Variants in CSPP1 observed in about 807,000 individuals in gnomAD.
CSPP1 encodes centrosome and spindle pole-associated protein 1.
A neutral mutation model predicts 164.4 loss-of-function variants in CSPP1; 126 were observed. The ratio of observed to expected loss-of-function variants is 0.77; its 90% CI spans 0.66 to 0.89. CSPP1 has a LOEUF of 0.89. CSPP1 is among the 40% of genes least tolerant of loss of function. CSPP1 has a pLI of 0.00. For missense variants in CSPP1, 1,395 were observed against 1,449.8 expected (o/e 0.96, Z 0.61); for synonymous variants, 472 against 476.7 (o/e 0.99, Z 0.13).
At chr8:67,189,537 T>C (rs1294396948) in intron 28 of CSPP1, among the ~76,000 whole-genome samples, 1 of 152,258 alleles carries the variant, frequency 6.6e-6, no homozygotes, top group Non-Finnish European at 1.5e-5. Flanking sequence ...ATTCCTATTT[T>C]TAAAAACCCA....
At chr8:67,119,184 G>A (rs548857285) in intron 15 of CSPP1, among the ~76,000 whole-genome samples, 3 of 152,166 alleles carry the variant, frequency 2.0e-5, no homozygotes, top group Admixed American at 6.5e-5. Flanking sequence ...AGGTTCATCC[G>A]TCTTTTAGCA....
rs374423255 is a variant in CSPP1, at chr8:67,128,426, C to T, written c.1698-3525C>T. ...TGGTGGCACATGCCTGTAGTTCTAG[C>T]TACTCGGGAGGCTGAGACAGGAGAA... is the stretch of plus-strand genomic sequence containing the variant. On this transcript the variant is annotated intron_variant, in intron 15 of 30. Coordinates refer to ENST00000678616, the MANE Select transcript of CSPP1 (RefSeq NM_001382391.1). Among the ~76,000 whole-genome samples, 51 of 151,896 alleles carry T rather than the reference C, an allele frequency of 3.4e-4. No individual in the cohort carries two copies. The East Asian group carries it at 9.9e-3, about 29-fold the overall frequency.
chr8:67,130,595 C>A (rs921789068), intron 15 of CSPP1, among the ~76,000 whole-genome samples: 1 of 152,024 alleles, frequency 6.6e-6, no homozygotes, highest in Non-Finnish European at 1.5e-5. Flanking sequence ...ACTTGTTTAT[C>A]CTAATAAAAG....
intron 19 of CSPP1, among the ~76,000 whole-genome samples, chr8:67,155,744 G>A (rs531162585): frequency 6.6e-6 from 1 of 152,246 alleles, no homozygotes; most frequent in South Asian, 2.1e-4. Flanking sequence ...GCCAAGATAT[G>A]CCACTTTATT....
At position 67,087,945 on chromosome 8, in the gene CSPP1, C is replaced by T. The variant is rs557436721; in HGVS notation, c.303+1835C>T. 1.3e-4 allele frequency among the ~76,000 whole-genome samples: 20 copies of T among 152,300 alleles called. No homozygotes were observed. In the South Asian group the frequency reaches 4.1e-3, roughly 32 times the overall value. ...TTCACTTCACCCTCCAAGCTATTTTCCAGAATGATTCAGTCCCTAACTTAT... is the reference window on the plus strand; with the variant it reads ...TTCACTTCACCCTCCAAGCTATTTTTCAGAATGATTCAGTCCCTAACTTAT... On this transcript the variant is annotated intron_variant, in intron 4 of 30. Coordinates refer to ENST00000678616, the MANE Select transcript of CSPP1 (RefSeq NM_001382391.1).
At chr8:67,178,879 C>T (rs1832318392) in intron 27 of CSPP1, among the ~76,000 whole-genome samples, 1 of 152,130 alleles carries the variant, frequency 6.6e-6, no homozygotes, top group African/African-American at 2.4e-5. Flanking sequence ...GGGAAGCTGC[C>T]AAGGTCTTTA....
At chr8:67,192,600 T>C (rs970892897) in intron 29 of CSPP1, among the ~76,000 whole-genome samples, 1 of 152,112 alleles carries the variant, frequency 6.6e-6, no homozygotes, top group Non-Finnish European at 1.5e-5. Context: ...TAAGAAACCA[T>C]TGCCAACCAC....
intron 9 of CSPP1, 94 bp from the exon 10 acceptor site, chr8:67,111,878 G>A: frequency 1.5e-6 from 1 of 646,996 alleles, no homozygotes; most frequent in Non-Finnish European, 2.6e-6. Context: ...GTAATTATAT[G>A]ATACAATTAA....
intron 1 of CSPP1, chr8:67,069,162 T>C (rs1405807638): frequency 6.6e-6 from 1 of 152,258 alleles, no homozygotes; most frequent in African/African-American, 2.4e-5. Context: ...CAATGAGTAG[T>C]ACATCCAACT....
chr8:67,118,493 A>G (rs935168974), intron 14 of CSPP1, 124 bp downstream of exon 14: 2 of 969,286 alleles, frequency 2.1e-6, no homozygotes, highest in African/African-American at 1.7e-5. Flanking sequence ...GATGTTATAT[A>G]TTGATTTAAT....
chr8:67,091,718 G>C, intron 4 of CSPP1, 85 bp from the exon 5 acceptor site: 1 of 400,324 alleles, frequency 2.5e-6, no homozygotes, highest in Non-Finnish European at 4.6e-6. Context: ...TACTAGTTTA[G>C]AATATAGAAT....
chr8:67,082,876 A>G (rs1809500160), intron 3 of CSPP1, among the ~76,000 whole-genome samples: 1 of 152,206 alleles, frequency 6.6e-6, no homozygotes, highest in Non-Finnish European at 1.5e-5. Flanking sequence ...CAAATGCTTT[A>G]CTTGCTGCTA....
At chr8:67,067,278 G>T (rs1416473404) in intron 1 of CSPP1, among the ~76,000 whole-genome samples, 1 of 152,138 alleles carries the variant, frequency 6.6e-6, no homozygotes, top group East Asian at 1.9e-4. Context: ...TTGTTTATTG[G>T]ATTTGACTAG....
chr8:67,113,091 A>G (rs532526213), intron 10 of CSPP1, among the ~76,000 whole-genome samples: 2 of 152,244 alleles, frequency 1.3e-5, no homozygotes, highest in South Asian at 4.1e-4. Flanking sequence ...TAAAAATACA[A>G]AAAATTAGCC....
chr8:67,079,647 T>G (rs1210579135), intron 3 of CSPP1, among the ~76,000 whole-genome samples: 1 of 152,246 alleles, frequency 6.6e-6, no homozygotes, highest in Non-Finnish European at 1.5e-5. Flanking sequence ...TAGTCTCTGC[T>G]TCAAACCCTT....
Position 67,195,762 on chromosome 8 carries a change from C to T in CSPP1, c.*169C>T, listed in dbSNP as rs1368859449. On this transcript the variant is annotated 3_prime_UTR_variant, in exon 31 of 31. Transcript: ENST00000678616. Reference sequence around the variant, plus strand: ...TATATTATGTACATAAATAAAAGGCCATGATTATTGATTTATATAATAGAA... The same window carrying T: ...TATATTATGTACATAAATAAAAGGCTATGATTATTGATTTATATAATAGAA... 1 of 598,880 alleles carries T rather than the reference C, an allele frequency of 1.7e-6. No individual in the cohort carries two copies. The highest frequency in any genetic ancestry group is 3.0e-6 in the Non-Finnish European group (1 of 334,010). The allele number at this position is 598,880 out of a possible 1,614,324, so 37.1% of individuals were successfully genotyped here.
rs201880658 is a variant in CSPP1, at chr8:67,113,851, C to T, written c.1234C>T (p.Pro412Ser). Residue 412 changes from proline to serine, a missense_variant, in exon 11 of 31, where the codon CCT (proline) becomes TCT (serine). Pro to Ser is a moderately conservative substitution (Grantham distance 74). Coordinates refer to ENST00000678616, the MANE Select transcript of CSPP1 (RefSeq NM_001382391.1). ...LRVAASGAQD[P>S]EKSWNELLTS... ...GGTTGCAGCGTCTGGAGCACAAGAC[C>T]CTGAGAAATCGGTAAGGGTTTCTGG... The T allele has an allele frequency of 5.8e-5, 91 of 1,581,384 alleles. No individual in the cohort carries two copies. The highest frequency in any genetic ancestry group is 6.9e-5 in the Non-Finnish European group (80 of 1,157,286).
chr8:67,076,380 C>T, intron 2 of CSPP1, 102 bp from the exon 3 acceptor site: 1 of 560,084 alleles, frequency 1.8e-6, no homozygotes, highest in Non-Finnish European at 3.1e-6. Flanking sequence ...CTATGATGTA[C>T]TGTGTAATTT....
chr8:67,159,919 T>TCTTTCTTTCTTTC (rs1563712547), intron 21 of CSPP1, among the ~76,000 whole-genome samples: 7 of 59,360 alleles, frequency 1.2e-4, no homozygotes, highest in East Asian at 4.7e-4. Flanking sequence ...TTTCTTTCTT[T>TCTTTCTTTCTTTC]CTTTCCTTTC....
Sources: gnomAD v4.1 joint callset for allele counts (sites outside exome capture counted in the v4.1 genomes callset) on GRCh38, gnomAD v4.1.1 for gene constraint, MANE v1.5 for transcripts, NCBI Gene and HGNC (gene_info 2026-07-23, HGNC 2026-07-21) for gene names.